The following NCAM2 variants were observed in gnomAD, a reference collection of about 807,000 sequenced individuals.
The protein encoded by NCAM2 is neural cell adhesion molecule 2.
A neutral mutation model predicts 98.1 loss-of-function variants in NCAM2; 30 were observed. The ratio of observed to expected loss-of-function variants is 0.31; its 90% CI spans 0.23 to 0.41. The LOEUF (loss-of-function observed/expected upper bound fraction) is 0.41, where lower values mean the gene tolerates loss of function less well. Among genes scored for constraint, NCAM2 ranks in the 10% least tolerant of loss-of-function variants. The probability of loss-of-function intolerance (pLI) is 1.00; values close to 1 mark genes in which losing one functional copy is unlikely to be tolerated. For synonymous variants in NCAM2, 368 were observed against 342.4 expected (o/e 1.07, Z -0.83); for missense variants, 867 against 1,005.8 (o/e 0.86, Z 1.87).
At chr21:21,411,127 CATAT>C (rs1165131313) in intron 10 of NCAM2, among the ~76,000 whole-genome samples, 2 of 4,382 alleles carry the variant, frequency 4.6e-4, no homozygotes, top group Admixed American at 2.9e-3. Context: ...TATATATACA[CATAT>C]ATATGTATAT....
At chr21:21,470,646 C>G (rs1442194322) in intron 14 of NCAM2, among the ~76,000 whole-genome samples, 1 of 152,020 alleles carries the variant, frequency 6.6e-6, no homozygotes, top group African/African-American at 2.4e-5. Flanking sequence ...TCTGTGCTTA[C>G]CACGCCAATA....
intron 1 of NCAM2, among the ~76,000 whole-genome samples, chr21:21,167,511 C>T (rs920166795): frequency 6.6e-6 from 1 of 151,704 alleles, no homozygotes; most frequent in Non-Finnish European, 1.5e-5. Context: ...AACAGGAAAT[C>T]AAGAGAGAAA....
At chr21:21,406,809 T>C (rs1437919634) in intron 9 of NCAM2, among the ~76,000 whole-genome samples, 2 of 152,222 alleles carry the variant, frequency 1.3e-5, no homozygotes, top group Non-Finnish European at 2.9e-5. Flanking sequence ...CATAACTTCA[T>C]ATTTCATGTA....
At chr21:21,479,511 G>T (rs552406678) in intron 15 of NCAM2, among the ~76,000 whole-genome samples, 6 of 148,266 alleles carry the variant, frequency 4.0e-5, no homozygotes, top group Non-Finnish European at 8.9e-5. Flanking sequence ...GTGGACCCGG[G>T]AGGCGGAGCT....
At chr21:21,421,612 A>G (rs556825210) in intron 11 of NCAM2, among the ~76,000 whole-genome samples, 17 of 152,292 alleles carry the variant, frequency 1.1e-4, no homozygotes, top group South Asian at 4.1e-4. Context: ...GTAGAAAACA[A>G]TCTGTCCTGC....
At chr21:21,259,615 A>C (rs902471488) in intron 1 of NCAM2, among the ~76,000 whole-genome samples, 2 of 152,060 alleles carry the variant, frequency 1.3e-5, no homozygotes, top group Non-Finnish European at 2.9e-5. Flanking sequence ...CCACCAAATA[A>C]AAAACCTGCT....
At chr21:21,318,049 T>C (rs1026610766) in intron 5 of NCAM2, among the ~76,000 whole-genome samples, 2 of 152,204 alleles carry the variant, frequency 1.3e-5, no homozygotes, top group African/African-American at 2.4e-5. Context: ...ATCCAATAGC[T>C]GACTTTCTCA....
At chr21:21,328,555 G>A (rs531607324) in intron 6 of NCAM2, among the ~76,000 whole-genome samples, 1 of 150,734 alleles carries the variant, frequency 6.6e-6, no homozygotes, top group South Asian at 2.1e-4. Context: ...TGAGTCGGCC[G>A]AGGCTAATGG....
At chr21:21,398,500 G>A (rs1212560265) in intron 9 of NCAM2, among the ~76,000 whole-genome samples, 1 of 152,172 alleles carries the variant, frequency 6.6e-6, no homozygotes, top group Non-Finnish European at 1.5e-5. Flanking sequence ...AAAAGAGTTC[G>A]GGATGATTAA....
At chr21:21,254,999 T>C (rs74311305) in intron 1 of NCAM2, among the ~76,000 whole-genome samples, 5 of 151,626 alleles carry the variant, frequency 3.3e-5, no homozygotes, top group Admixed American at 3.3e-4. Flanking sequence ...TATATAATAC[T>C]GAACGTTATC....
chr21:21,398,778 T>C (rs2076568654), intron 9 of NCAM2, among the ~76,000 whole-genome samples: 3 of 152,114 alleles, frequency 2.0e-5, no homozygotes, highest in Admixed American at 6.5e-5. Context: ...ATGAATGATA[T>C]TTCTATATAT....
At chr21:21,531,120 A>G (rs1310911689) in intron 16 of NCAM2, among the ~76,000 whole-genome samples, 1 of 152,020 alleles carries the variant, frequency 6.6e-6, no homozygotes, top group Non-Finnish European at 1.5e-5. Flanking sequence ...ACACACTTTC[A>G]TAGAGTTATT....
At chr21:21,322,606 G>C (rs983740368) in intron 5 of NCAM2, among the ~76,000 whole-genome samples, 3 of 152,114 alleles carry the variant, frequency 2.0e-5, no homozygotes, top group Admixed American at 6.6e-5. Context: ...TATACTTCCT[G>C]GCTGTGCTTG....
chr21:21,510,225 A>G (rs1463401710), intron 16 of NCAM2, among the ~76,000 whole-genome samples: 6 of 152,146 alleles, frequency 3.9e-5, no homozygotes, highest in Admixed American at 6.6e-5. Flanking sequence ...AAATGCACCA[A>G]ATGTTTCAGT....
intron 9 of NCAM2, among the ~76,000 whole-genome samples, chr21:21,380,570 T>TG (rs2076132345): frequency 2.0e-5 from 3 of 152,130 alleles, no homozygotes; most frequent in Non-Finnish European, 4.4e-5. Flanking sequence ...CTTGTTTTTT[T>TG]TTTCAGCTTC....
intron 8 of NCAM2, among the ~76,000 whole-genome samples, chr21:21,356,657 T>C (rs542269895): frequency 2.6e-5 from 4 of 152,288 alleles, no homozygotes; most frequent in East Asian, 1.9e-4. Flanking sequence ...GACTTTTATA[T>C]TGGCATGTGC....
chr21:21,071,893 A>G lies in NCAM2; in HGVS notation c.55+73275A>G, dbSNP rs563351992. Among the ~76,000 whole-genome samples the G allele has an allele frequency of 1.7e-3, 253 of 150,394 alleles. 1 individual carries two copies. Among genetic ancestry groups the G allele is most frequent in the Non-Finnish European group, 2.3e-3 (155 of 67,938 alleles). On this transcript the variant is annotated intron_variant, in intron 1 of 17. Coordinates refer to ENST00000400546, the MANE Select transcript of NCAM2 (RefSeq NM_004540.5). The stretch of plus-strand genomic sequence containing the variant: ...TGCCTATCTATCTATCTATCTATCT[A>G]TCTATCTATCTATCTATCTATCTAT...
intron 1 of NCAM2, among the ~76,000 whole-genome samples, chr21:21,144,748 T>A (rs779376308): frequency 1.1e-4 from 17 of 152,192 alleles, no homozygotes; most frequent in Non-Finnish European, 2.2e-4. Flanking sequence ...ATTTCTTCTT[T>A]CTTCCACTTA....
intron 1 of NCAM2, among the ~76,000 whole-genome samples, chr21:21,267,638 T>A (rs143080231): frequency 6.6e-6 from 1 of 152,314 alleles, no homozygotes; most frequent in East Asian, 1.9e-4. Context: ...TGTACAAATA[T>A]GGAGCAATTT....
Sources: allele counts gnomAD v4.1 joint callset (sites outside exome capture counted in the v4.1 genomes callset), GRCh38; gene constraint gnomAD v4.1.1; transcripts MANE v1.5; gene names NCBI Gene and HGNC (gene_info 2026-07-23, HGNC 2026-07-21).